Variants in C16orf96 observed in about 807,000 individuals in gnomAD.
C16orf96 encodes the protein chromosome 16 open reading frame 96.
A neutral mutation model predicts 103.6 loss-of-function variants in C16orf96; 108 were observed. That is an observed-to-expected ratio of 1.04 (90% CI 0.89 to 1.22). The LOEUF (loss-of-function observed/expected upper bound fraction) is 1.22, where lower values mean the gene tolerates loss of function less well. Ranked by LOEUF, C16orf96 falls within the 50% of genes most tolerant of loss-of-function variation. The pLI is 0.00. For synonymous variants in C16orf96, 566 were observed against 593.5 expected, an observed-to-expected ratio of 0.95 and a Z score of 0.67; for missense variants, 1,586 against 1,464.2, an observed-to-expected ratio of 1.08 and a Z score of -1.36.
chr16:4,539,814 T>C, the C16orf96 span, among the ~76,000 whole-genome samples: 1 of 152,092 alleles, frequency 6.6e-6, no homozygotes, highest in African/African-American at 2.4e-5. Context: ...TACTCTTAGG[T>C]GTTTTTCTGA....
chr16:4,571,043 G>A (rs142368041), intron 1 of C16orf96, among the ~76,000 whole-genome samples: 195 of 152,234 alleles, frequency 1.3e-3, no homozygotes, highest in African/African-American at 4.6e-3. Flanking sequence ...AAAATTAGCT[G>A]GGCGTGGTGA....
intron 5 of C16orf96, among the ~76,000 whole-genome samples, chr16:4,578,395 G>A (rs1315836096): frequency 2.0e-5 from 3 of 152,066 alleles, no homozygotes; most frequent in South Asian, 4.1e-4. Context: ...CACCTGCCTC[G>A]GCCTCCCACA....
chr16:4,581,494 G>C (rs146014112), intron 7 of C16orf96, among the ~76,000 whole-genome samples: 1 of 151,826 alleles, frequency 6.6e-6, no homozygotes, highest in Non-Finnish European at 1.5e-5. Flanking sequence ...TTAGCCGGGC[G>C]TGGTGGCTGG....
chr16:4,591,751 G>C lies in C16orf96; in HGVS notation c.2678G>C (p.Arg893Thr). The C allele has an allele frequency of 6.4e-7, 1 of 1,551,700 alleles. No homozygotes were observed. The highest frequency in any genetic ancestry group is 1.4e-5 in the African/African-American group (1 of 73,162). The change falls in exon 10 of 16, where the codon AGA becomes ACA. Residue 893 changes from arginine to threonine, a missense_variant. By Grantham distance (71) the Arg-to-Thr change is moderately conservative. Coordinates refer to ENST00000444310, the MANE Select transcript of C16orf96 (RefSeq NM_001145011.2). ...CGGAAGCTGCTGATTGAGGGCTTAA[G>C]ACTGGATCCTGACAGTGCTGCTGGC... Reference protein sequence around the residue: ...IVRKLLIEGLRLDPDSAAGFR... With the variant: ...IVRKLLIEGLTLDPDSAAGFR...
rs3992632 is a variant in C16orf96, at chr16:4,572,306, C to CTTTT, written c.525+649_525+652dup. 2.5e-4 allele frequency among the ~76,000 whole-genome samples: 33 copies of CTTTT among 131,626 alleles called. 9 individuals carry two copies. The highest frequency in any genetic ancestry group is 2.6e-4 in the Non-Finnish European group (17 of 65,004). 86.4% of individuals were successfully genotyped at this position (131,626 alleles called of 152,430 possible). ...AGGTACTCATGCAATACTTATATTTCTTTTTTTTTTTGAGATGGAGTCTCG... is the reference window on the plus strand; with the variant it reads ...AGGTACTCATGCAATACTTATATTTCTTTTTTTTTTTTTTTGAGATGGAGTCTCG... On this transcript the variant is annotated intron_variant, in intron 2 of 15. Transcript: ENST00000444310.
intron 6 of C16orf96, 45 bp downstream of exon 6, chr16:4,579,070 G>A (rs1364185423): frequency 2.6e-6 from 4 of 1,515,086 alleles, no homozygotes; most frequent in Non-Finnish European, 2.7e-6. Flanking sequence ...GATGGCTTGA[G>A]GTGAGCTGGC....
chr16:4,567,281 T>A (rs12930354), intron 1 of C16orf96, among the ~76,000 whole-genome samples: 2 of 2,444 alleles, frequency 8.2e-4, no homozygotes, highest in African/African-American at 8.9e-4. Flanking sequence ...ATTTCTTTTC[T>A]TTTTTTTTTT....
intron 6 of C16orf96, 72 bp downstream of exon 6, chr16:4,579,097 C>A: frequency 7.5e-7 from 1 of 1,332,694 alleles, no homozygotes; most frequent in Non-Finnish European, 1.1e-6. Flanking sequence ...CTCCTTGACT[C>A]TGCCCCCCTC....
At position 4,556,644 on chromosome 16, in the gene C16orf96, TC is replaced by T; in HGVS notation, c.157del (p.Leu53CysfsTer22). ...AAAGTCCTCTCAGGCGATGAGGACT[TC>T]CTGCAGACCTCGCAGGTGGTCATCA... ...LKKVLSGDED[F>X]LQTSQVVIMP... On this transcript the variant is annotated frameshift_variant, in exon 1 of 16. Coordinates refer to ENST00000444310, the MANE Select transcript of C16orf96 (RefSeq NM_001145011.2). LOFTEE classifies it high-confidence loss of function. The T allele has an allele frequency of 1.9e-6, 3 of 1,551,694 alleles. No homozygotes were observed. The highest frequency in any genetic ancestry group is 2.4e-5 in the East Asian group (1 of 40,926).
In C16orf96 at chr16:4,587,063, C is replaced by T. The variant is rs1017415880; in HGVS notation, c.2377C>T (p.Leu793=). The T allele has an allele frequency of 9.0e-6, 14 of 1,551,452 alleles. No homozygotes were observed. In the Admixed American group the frequency reaches 2.7e-4, roughly 30 times the overall value. The change falls in exon 8 of 16, where the codon CTG becomes TTG. Residue 793 remains leucine (L), a synonymous_variant. Coordinates refer to ENST00000444310, the MANE Select transcript of C16orf96 (RefSeq NM_001145011.2). ...GACTCTCCAGGCTCAAATCAAAAGACTGGAAATGAACAAGGTGAATAAGAG... is the reference window on the plus strand; with the variant it reads ...GACTCTCCAGGCTCAAATCAAAAGATTGGAAATGAACAAGGTGAATAAGAG... The part of the protein sequence containing the change: ...FKTLQAQIKR[L]EMNKVNKSTM...
rs1897123555 is a variant in C16orf96 at position 4,594,355 on chromosome 16, C to T, written c.2872C>T (p.Gln958Ter). The change falls in exon 13 of 16, where the codon CAG becomes TAG. Residue 958 changes from glutamine (Q) to a stop codon, truncating the protein, a stop_gained. Transcript: ENST00000444310. LOFTEE classifies it high-confidence loss of function. ...EYLQRQQMRE[Q>*]QWLQLQDLGI... Reference sequence around the variant, plus strand: ...TGACCCACTGCCCTGCTGCAGGGAACAGCAGTGGCTGCAGCTCCAGGACCT... The same window carrying T: ...TGACCCACTGCCCTGCTGCAGGGAATAGCAGTGGCTGCAGCTCCAGGACCT... The T allele has an allele frequency of 6.4e-7, 1 of 1,550,984 alleles. No individual in the cohort carries two copies. Among genetic ancestry groups the T allele is most frequent in the Non-Finnish European group, 8.7e-7 (1 of 1,146,954 alleles).
Position 4,580,105 on chromosome 16 carries a change from A to G in C16orf96, c.2332A>G (p.Ile778Val). 6.5e-7 allele frequency: 1 copy of G among 1,537,582 alleles called. No homozygotes were observed. ...TLDKAVENLQ[I>V]RMDEFKTLQA... ...GGACAAGGCGGTGGAGAACCTGCAG[A>G]TTCGCATGGATGAGTTCAAGGTTAG... The change falls in exon 7 of 16, where the codon ATT becomes GTT. Residue 778 changes from isoleucine to valine, a missense_variant. Physicochemically the swap from Ile to Val is conservative, Grantham distance 29. Coordinates refer to ENST00000444310, the MANE Select transcript of C16orf96 (RefSeq NM_001145011.2).
the C16orf96 span, among the ~76,000 whole-genome samples, chr16:4,545,841 C>G: frequency 6.6e-6 from 1 of 151,976 alleles, no homozygotes; most frequent in Non-Finnish European, 1.5e-5. Flanking sequence ...CTCTGGTTTT[C>G]TTTTTCTCTT....
intron 1 of C16orf96, among the ~76,000 whole-genome samples, chr16:4,568,888 C>G (rs111874577): frequency 2.0e-5 from 3 of 151,978 alleles, no homozygotes; most frequent in Admixed American, 1.3e-4. Context: ...CTTCAGCCCC[C>G]CAAAATGCTG....
upstream of C16orf96, among the ~76,000 whole-genome samples, chr16:4,556,194 CA>C (rs201586709): frequency 0.012 from 1,778 of 152,312 alleles, 21 homozygotes; most frequent in South Asian, 0.028. Flanking sequence ...ATCAGCTATT[CA>C]AACATTCATC....
chr16:4,577,123 A>G (rs1273212), intron 5 of C16orf96, among the ~76,000 whole-genome samples: 145,031 of 152,166 alleles, frequency 0.95, 69,498 homozygotes, highest in East Asian at 1. Flanking sequence ...CCCAGGAGGC[A>G]GAGGTTGCGG....
chr16:4,539,688 A>AAAAG, the C16orf96 span, among the ~76,000 whole-genome samples: 3 of 152,150 alleles, frequency 2.0e-5, no homozygotes, highest in Non-Finnish European at 2.9e-5. Context: ...CCATCTCAAA[A>AAAAG]AAAGAAAGAA....
the C16orf96 span, among the ~76,000 whole-genome samples, chr16:4,545,248 C>T: frequency 1.2e-3 from 189 of 152,242 alleles, no homozygotes; most frequent in African/African-American, 4.1e-3. Flanking sequence ...GTTCTGTCAC[C>T]CAGGCTGGAG....
the C16orf96 span, among the ~76,000 whole-genome samples, chr16:4,545,740 G>A: frequency 6.6e-6 from 1 of 152,148 alleles, no homozygotes; most frequent in Non-Finnish European, 1.5e-5. Flanking sequence ...GTTGTATTCG[G>A]AGTTGAGCCT....
Sources: gnomAD v4.1 joint callset for allele counts (sites outside exome capture counted in the v4.1 genomes callset) on GRCh38, gnomAD v4.1.1 for gene constraint, MANE v1.5 for transcripts, NCBI Gene and HGNC (gene_info 2026-07-23, HGNC 2026-07-21) for gene names.